Variants in FLT1 observed in about 807,000 individuals in gnomAD.
FLT1 encodes vascular endothelial growth factor receptor 1.
FLT1 carries 49 observed loss-of-function variants against 156.3 expected under a neutral mutation model. The observed-to-expected ratio is 0.31, with a 90% CI of 0.25 to 0.40. The LOEUF is 0.40. Ranked by LOEUF, FLT1 falls within the 10% of genes least tolerant of loss-of-function variation. FLT1 has a pLI of 1.00. For synonymous variants in FLT1, 594 were observed against 583.8 expected (o/e 1.02, Z -0.25); for missense variants, 1,322 against 1,637.2 (o/e 0.81, Z 3.32).
chr13:28,320,218 T>C (rs1039802046), intron 23 of FLT1, among the ~76,000 whole-genome samples: 1 of 152,238 alleles, frequency 6.6e-6, no homozygotes, highest in Admixed American at 6.5e-5. Flanking sequence ...CTGACTCAGA[T>C]ACAGACGAAC....
intron 1 of FLT1, among the ~76,000 whole-genome samples, chr13:28,482,250 C>T (rs1178400436): frequency 1.3e-5 from 2 of 152,084 alleles, no homozygotes; most frequent in Non-Finnish European, 2.9e-5. Flanking sequence ...ACCAGCCTGA[C>T]CAACATGAAG....
In FLT1 at chr13:28,322,954, G is replaced by A. The variant is rs1394229904; in HGVS notation, c.2797-8C>T. ...CATGTGTAGTGCTGCATCCTTTGAA[G>A]AGACCGAAAAGGACCCAGGTGAAAA... On this transcript the variant is annotated splice_polypyrimidine_tract_variant and splice_region_variant and intron_variant, in intron 20 of 29. Transcript: ENST00000282397. The surrounding 1 kb of genome is among the most constrained non-coding windows in gnomAD (Gnocchi z 4.3). The A allele has an allele frequency of 1.2e-6, 2 of 1,613,988 alleles. No homozygotes were observed. Among genetic ancestry groups the A allele is most frequent in the Non-Finnish European group, 1.7e-6 (2 of 1,180,024 alleles).
At chr13:28,383,239 G>A (rs1013978866) in intron 14 of FLT1, among the ~76,000 whole-genome samples, 2 of 151,854 alleles carry the variant, frequency 1.3e-5, no homozygotes, top group Admixed American at 1.3e-4. Flanking sequence ...TCAGCCTTCT[G>A]TATATGTGGA....
At chr13:28,420,182 C>T (rs1383435561) in intron 10 of FLT1, among the ~76,000 whole-genome samples, 3 of 152,186 alleles carry the variant, frequency 2.0e-5, no homozygotes, top group East Asian at 1.9e-4. Flanking sequence ...TGCACTTCCT[C>T]GTCCAGTAAT....
intron 18 of FLT1, among the ~76,000 whole-genome samples, chr13:28,331,887 T>G (rs563226504): frequency 3.3e-5 from 5 of 152,170 alleles, no homozygotes; most frequent in Admixed American, 2.6e-4. Flanking sequence ...ATGAAGACAC[T>G]ACACATGCAA....
At position 28,405,761 on chromosome 13, in the gene FLT1, G is replaced by T. The variant is rs371969443; in HGVS notation, c.1551+19C>A. 1.1e-5 allele frequency: 14 copies of T among 1,244,902 alleles called. No homozygotes were observed. Among genetic ancestry groups the T allele is most frequent in the Non-Finnish European group, 1.4e-5 (12 of 843,942 alleles). The allele number at this position is 1,244,902 out of a possible 1,614,324, so 77.1% of individuals were successfully genotyped here. On this transcript the variant is annotated intron_variant, in intron 11 of 29. Coordinates refer to ENST00000282397, the MANE Select transcript of FLT1 (RefSeq NM_002019.4). ...ATTTGTGGAATAAATATCCCAGTGC[G>T]CATTTTTACAAACAATACCTTATTC...
At chr13:28,328,326 C>G (rs998961887) in intron 19 of FLT1, 4 of 152,274 alleles carry the variant, frequency 2.6e-5, no homozygotes, top group Non-Finnish European at 4.4e-5. Flanking sequence ...CTGAAGGAAG[C>G]AAGAGGGTTG....
chr13:28,397,102 G>C (rs1427603939), intron 11 of FLT1, 34 bp from the exon 12 acceptor site: 22 of 1,286,024 alleles, frequency 1.7e-5, no homozygotes, highest in Non-Finnish European at 2.4e-5. Context: ...GCTAGCAACA[G>C]GACAAATAAC....
intron 14 of FLT1, among the ~76,000 whole-genome samples, chr13:28,377,536 C>A (rs774277228): frequency 6.6e-6 from 1 of 152,176 alleles, no homozygotes. Context: ...CTTGAAGAAG[C>A]GTATTTCAGG....
At chr13:28,355,694 C>T (rs116284626) in intron 15 of FLT1, among the ~76,000 whole-genome samples, 56 of 152,252 alleles carry the variant, frequency 3.7e-4, no homozygotes, top group African/African-American at 1.3e-3. Flanking sequence ...CCACGCTTGG[C>T]GTTATGTGGC....
chr13:28,461,196 T>A (rs756462499), intron 3 of FLT1, among the ~76,000 whole-genome samples: 1 of 152,158 alleles, frequency 6.6e-6, no homozygotes, highest in Non-Finnish European at 1.5e-5. Context: ...CATTAATGAA[T>A]TTGGAGGCAC....
chr13:28,384,401 A>G (rs1874224625), intron 14 of FLT1, among the ~76,000 whole-genome samples: 1 of 144,620 alleles, frequency 6.9e-6, no homozygotes, highest in Non-Finnish European at 1.5e-5. Context: ...GTGAGCCAAG[A>G]TGGTGTCACT....
At position 28,301,587 on chromosome 13, in the gene FLT1, C is replaced by A; in HGVS notation, c.*1580G>T. ...GGATAAAAGGAAGCATACTCTTCTC[C>A]CCAAGAAGCAGCAATCCACTGTTGC... On this transcript the variant is annotated 3_prime_UTR_variant, in exon 30 of 30. Transcript: ENST00000282397. 1 of 233,360 alleles carries A rather than the reference C, an allele frequency of 4.3e-6. No individual in the cohort carries two copies. Among genetic ancestry groups the A allele is most frequent in the Non-Finnish European group, 8.5e-6 (1 of 117,924 alleles). 14.5% of individuals were successfully genotyped at this position (233,360 alleles called of 1,614,324 possible). A position where few individuals can be genotyped will look rare whatever the true frequency, so the allele number is the denominator to read the frequency against.
intron 14 of FLT1, among the ~76,000 whole-genome samples, chr13:28,379,122 C>A (rs1041989723): frequency 3.9e-5 from 6 of 152,166 alleles, no homozygotes; most frequent in Non-Finnish European, 8.8e-5. Flanking sequence ...GCAGGCAGAT[C>A]ACTTGAGGTC....
At chr13:28,344,091 C>T (rs548348727) in intron 16 of FLT1, among the ~76,000 whole-genome samples, 1 of 151,990 alleles carries the variant, frequency 6.6e-6, no homozygotes, top group South Asian at 2.1e-4. Flanking sequence ...GTGCCCCACT[C>T]CCCCCATTCC....
chr13:28,366,793 G>T (rs1873312831), intron 14 of FLT1, among the ~76,000 whole-genome samples: 1 of 152,088 alleles, frequency 6.6e-6, no homozygotes, highest in Admixed American at 6.6e-5. Context: ...TGATGCTCTT[G>T]GACCCCATCT....
chr13:28,355,657 A>T (rs986745171), intron 15 of FLT1, among the ~76,000 whole-genome samples: 5 of 152,212 alleles, frequency 3.3e-5, no homozygotes, highest in African/African-American at 1.2e-4. Flanking sequence ...AGCCTACTCC[A>T]GGATGCACTA....
chr13:28,418,481 C>G (rs976114053), intron 10 of FLT1, among the ~76,000 whole-genome samples: 7 of 152,214 alleles, frequency 4.6e-5, no homozygotes, highest in African/African-American at 1.7e-4. Context: ...CAGCTCTTTC[C>G]TCTGGGAATC....
At chr13:28,391,150 G>T (rs1268460119) in intron 12 of FLT1, among the ~76,000 whole-genome samples, 1 of 152,156 alleles carries the variant, frequency 6.6e-6, no homozygotes, top group Non-Finnish European at 1.5e-5. Flanking sequence ...TGATAGAGGG[G>T]TAAAGAGAAT....
Sources: gnomAD v4.1 joint callset for allele counts (sites outside exome capture counted in the v4.1 genomes callset) on GRCh38, gnomAD v4.1.1 for gene constraint, Gnocchi (gnomAD v3.1) non-coding constraint, MANE v1.5 for transcripts, NCBI Gene and HGNC (gene_info 2026-07-23, HGNC 2026-07-21) for gene names.